The following LYG1 variants were observed in gnomAD, a reference collection of about 807,000 sequenced individuals.
LYG1 encodes lysozyme g1, also known as lysozyme g-like protein 1.
In LYG1, 17 loss-of-function variants were observed where a neutral mutation model predicts 21.7. The observed-to-expected ratio is 0.78, with a 90% confidence interval of 0.54 to 1.18. The LOEUF (loss-of-function observed/expected upper bound fraction) is 1.18, where lower values mean the gene tolerates loss of function less well. Ranked by LOEUF, LYG1 falls within the 50% of genes most tolerant of loss-of-function variation. The pLI, the probability that LYG1 is intolerant of heterozygous loss-of-function variation, is 0.00. For missense variants in LYG1, 211 were observed against 238.1 expected (o/e 0.89, Z 0.75); for synonymous variants, 81 against 87.4 (o/e 0.93, Z 0.41).
intron 3 of LYG1, 143 bp from the exon 4 acceptor site, chr2:99,292,783 T>A: frequency 1.6e-6 from 1 of 629,986 alleles, no homozygotes; most frequent in Non-Finnish European, 2.8e-6. Flanking sequence ...TCTTGAAATT[T>A]AAATGAGAAA....
upstream of LYG1, among the ~76,000 whole-genome samples, chr2:99,302,980 G>A (rs776852509): frequency 6.7e-6 from 1 of 149,970 alleles, no homozygotes; most frequent in African/African-American, 2.5e-5. Context: ...TCATGCCAGT[G>A]TACTCCAGCC....
chr2:99,303,165 G>A (rs1301099211), upstream of LYG1, among the ~76,000 whole-genome samples: 1 of 152,060 alleles, frequency 6.6e-6, no homozygotes, highest in African/African-American at 2.4e-5. Flanking sequence ...AGAACACTGG[G>A]TTCCTCTCGG....
At chr2:99,302,535 C>G (rs562609944), upstream of LYG1, among the ~76,000 whole-genome samples, 49 of 152,324 alleles carry the variant, frequency 3.2e-4, 1 homozygote, top group African/African-American at 1.1e-3. Context: ...ACCATAGCAC[C>G]TACAGCACTT....
At chr2:99,295,725 G>C in intron 2 of LYG1, 23 bp from the exon 3 acceptor site, 1 of 1,606,486 alleles carries the variant, frequency 6.2e-7, no homozygotes. Flanking sequence ...AAATTAGCTT[G>C]AGAATACAAA....
At chr2:99,285,861 C>T (rs539749142) in intron 5 of LYG1, among the ~76,000 whole-genome samples, 52 of 152,288 alleles carry the variant, frequency 3.4e-4, no homozygotes, top group Middle Eastern at 3.4e-3. Flanking sequence ...GCCATTTATA[C>T]CTGTTAGAAT....
intron 5 of LYG1, among the ~76,000 whole-genome samples, chr2:99,289,843 G>GTTA (rs2094113283): frequency 1.0e-5 from 1 of 97,526 alleles, no homozygotes. Flanking sequence ...TCTCTTGTTT[G>GTTA]TTGTTGTTGT....
chr2:99,287,158 T>C (rs1468936058), intron 5 of LYG1, among the ~76,000 whole-genome samples: 1 of 152,220 alleles, frequency 6.6e-6, no homozygotes, highest in African/African-American at 2.4e-5. Context: ...ATTTTAGTCA[T>C]GCAAGACAAG....
At chr2:99,299,258 TTTTTTC>T (rs1301864525) in intron 1 of LYG1, among the ~76,000 whole-genome samples, 25 of 150,426 alleles carry the variant, frequency 1.7e-4, no homozygotes, top group East Asian at 7.8e-4. Context: ...TTTCTTTTTG[TTTTTTC>T]TTTTTCTTTT....
chr2:99,286,432 G>A (rs985512343), intron 5 of LYG1, among the ~76,000 whole-genome samples: 2 of 152,134 alleles, frequency 1.3e-5, no homozygotes, highest in African/African-American at 4.8e-5. Context: ...TGGTCTGGGT[G>A]CAGTGGCTCA....
intron 1 of LYG1, among the ~76,000 whole-genome samples, chr2:99,299,653 G>A (rs1453511030): frequency 6.6e-6 from 1 of 151,978 alleles, no homozygotes; most frequent in Non-Finnish European, 1.5e-5. Flanking sequence ...TCAAACTCCA[G>A]GGCTCAAGCA....
chr2:99,300,449 C>A (rs1312398982), intron 1 of LYG1, among the ~76,000 whole-genome samples: 1 of 152,106 alleles, frequency 6.6e-6, no homozygotes, highest in African/African-American at 2.4e-5. Flanking sequence ...CTGCACAGAG[C>A]AAATCAGGGA....
intron 1 of LYG1, among the ~76,000 whole-genome samples, chr2:99,300,107 T>G (rs2094150072): frequency 6.6e-6 from 1 of 152,106 alleles, no homozygotes; most frequent in African/African-American, 2.4e-5. Flanking sequence ...AAAATACAAC[T>G]TTTTAGAGCA....
chr2:99,294,828 A>T (rs898288523), intron 3 of LYG1, among the ~76,000 whole-genome samples: 2 of 152,196 alleles, frequency 1.3e-5, no homozygotes, highest in Non-Finnish European at 2.9e-5. Context: ...TTAAAAAACA[A>T]GTAGGCTGGG....
At position 99,284,553 on chromosome 2, in the gene LYG1, A is replaced by G. The variant is rs770159974; in HGVS notation, c.467-42T>C. On this transcript the variant is annotated intron_variant, in intron 6 of 6. Coordinates refer to ENST00000308528, the MANE Select transcript of LYG1 (RefSeq NM_174898.3). ...AGGTTAATGCTGACCTAGGGTACTCAGCAGTTAACTCTGATTCTCTTTACT... is the reference window on the plus strand; with the variant it reads ...AGGTTAATGCTGACCTAGGGTACTCGGCAGTTAACTCTGATTCTCTTTACT... 2.5e-6 allele frequency: 4 copies of G among 1,603,124 alleles called. No individual in the cohort carries two copies. In the African/African-American group the frequency reaches 5.3e-5, roughly 21 times the overall value.
At chr2:99,296,188 T>C (rs2094135780) in intron 2 of LYG1, among the ~76,000 whole-genome samples, 1 of 152,192 alleles carries the variant, frequency 6.6e-6, no homozygotes, top group South Asian at 2.1e-4. Context: ...CCCTGGAATG[T>C]ACACTGGTTG....
At chr2:99,284,556 A>T (rs1432299913) in intron 6 of LYG1, 45 bp from the exon 7 acceptor site, 2 of 1,601,022 alleles carry the variant, frequency 1.2e-6, no homozygotes, top group Admixed American at 3.4e-5. Flanking sequence ...GGTACTCAGC[A>T]GTTAACTCTG....
At chr2:99,295,533 T>C (rs1429740102) in intron 3 of LYG1, 95 bp downstream of exon 3, 2 of 1,453,492 alleles carry the variant, frequency 1.4e-6, no homozygotes, top group African/African-American at 2.8e-5. Flanking sequence ...AAAATAATCT[T>C]TTTTGTTGCA....
chr2:99,303,968 G>A (rs1199909758), upstream of LYG1, among the ~76,000 whole-genome samples: 3 of 152,108 alleles, frequency 2.0e-5, no homozygotes, highest in Admixed American at 1.3e-4. Context: ...TCAAGAGATA[G>A]AGAACATCCT....
At chr2:99,294,101 A>C (rs1224837236) in intron 3 of LYG1, among the ~76,000 whole-genome samples, 1 of 151,962 alleles carries the variant, frequency 6.6e-6, no homozygotes, top group East Asian at 1.9e-4. Flanking sequence ...TTTTGAAGAG[A>C]TGGGGTTTTG....
Sources: gnomAD v4.1 joint callset for allele counts (sites outside exome capture counted in the v4.1 genomes callset) on GRCh38, gnomAD v4.1.1 for gene constraint, MANE v1.5 for transcripts, NCBI Gene and HGNC (gene_info 2026-07-23, HGNC 2026-07-21) for gene names.